ADAM10: variants seen among roughly 807,000 people sequenced by gnomAD.
The protein encoded by ADAM10 is disintegrin and metalloproteinase domain-containing protein 10.
Under a neutral mutation model 90.1 loss-of-function variants are expected in ADAM10, and 17 were observed. That is an observed-to-expected ratio of 0.19 (90% CI 0.13 to 0.28). The LOEUF is 0.28. Ranked by LOEUF, ADAM10 falls within the 10% of genes least tolerant of loss-of-function variation. The probability of loss-of-function intolerance (pLI) is 1.00; values close to 1 mark genes in which losing one functional copy is unlikely to be tolerated. For missense variants in ADAM10, 610 were observed against 914.3 expected (o/e 0.67, Z 4.29); for synonymous variants, 310 against 298.6 (o/e 1.04, Z -0.40).
chr15:58,730,098 A>G (rs376713458), intron 1 of ADAM10, among the ~76,000 whole-genome samples: 19 of 152,212 alleles, frequency 1.2e-4, no homozygotes, highest in African/African-American at 4.6e-4. Context: ...TTAAAGATCC[A>G]AAACACTTTT....
At chr15:58,632,077 G>T (rs1043895855) in intron 9 of ADAM10, among the ~76,000 whole-genome samples, 2 of 152,164 alleles carry the variant, frequency 1.3e-5, no homozygotes, top group African/African-American at 4.8e-5. Context: ...AAAGTAAAAT[G>T]AATTTACATA....
chr15:58,602,446 C>T (rs1344126366), intron 14 of ADAM10, among the ~76,000 whole-genome samples: 1 of 152,096 alleles, frequency 6.6e-6, no homozygotes, highest in African/African-American at 2.4e-5. Flanking sequence ...GTTCCCCATC[C>T]CACACCTTCT....
rs1237527252 is a variant in ADAM10, at chr15:58,592,267, G to A, written c.*5280C>T. The stretch of plus-strand genomic sequence containing the variant: ...GTCTAGATCCATAAATTGTTGGGGG[G>A]GTAAAATGGTGATATCCTAATTCTA... On this transcript the variant is annotated 3_prime_UTR_variant, in exon 16 of 16. Coordinates refer to ENST00000260408, the MANE Select transcript of ADAM10 (RefSeq NM_001110.4). The A allele has an allele frequency of 6.6e-6, 1 of 152,086 alleles. No homozygotes were observed. The highest frequency in any genetic ancestry group is 2.4e-5 in the African/African-American group (1 of 41,410). The allele number at this position is 152,086 out of a possible 1,614,324, so 9.4% of individuals were successfully genotyped here.
At chr15:58,691,729 G>T (rs1236169115) in intron 2 of ADAM10, 3 of 341,880 alleles carry the variant, frequency 8.8e-6, no homozygotes, top group African/African-American at 2.5e-5. Context: ...TGTCGCCCAG[G>T]CTTAGTGCAG....
intron 2 of ADAM10, among the ~76,000 whole-genome samples, chr15:58,704,376 C>T (rs553775430): frequency 2.0e-5 from 3 of 152,104 alleles, no homozygotes; most frequent in East Asian, 3.9e-4. Context: ...GATATGGTGA[C>T]GGTTGCACAA....
chr15:58,732,441 C>G (rs1390493818), intron 1 of ADAM10: 1 of 151,970 alleles, frequency 6.6e-6, no homozygotes, highest in Admixed American at 6.6e-5. Context: ...GGCATGGTGG[C>G]TCATGCCTGT....
At chr15:58,651,762 G>A (rs1335014754) in intron 5 of ADAM10, among the ~76,000 whole-genome samples, 1 of 152,078 alleles carries the variant, frequency 6.6e-6, no homozygotes, top group African/African-American at 2.4e-5. Flanking sequence ...TCGGGTAGAT[G>A]TGCAGCAGTG....
In ADAM10 at chr15:58,588,984, A is replaced by G. The variant is rs1284951970; in HGVS notation, c.*8563T>C. Reference sequence around the variant, plus strand: ...CATATTAGATTTTGAAAGAAAATTTATCTCCAGGTATGACGGAAGGAGGTT... The same window carrying G: ...CATATTAGATTTTGAAAGAAAATTTGTCTCCAGGTATGACGGAAGGAGGTT... On this transcript the variant is annotated 3_prime_UTR_variant, in exon 16 of 16. Coordinates refer to ENST00000260408, the MANE Select transcript of ADAM10 (RefSeq NM_001110.4). 2 of 152,220 alleles carry G rather than the reference A, an allele frequency of 1.3e-5. No individual in the cohort carries two copies. The highest frequency in any genetic ancestry group is 3.8e-4 in the East Asian group (2 of 5,204). The allele number at this position is 152,220 out of a possible 1,614,324, so 9.4% of individuals were successfully genotyped here. A position where few individuals can be genotyped will look rare whatever the true frequency, so the allele number is the denominator to read the frequency against.
At chr15:58,728,316 G>A (rs1899108846) in intron 1 of ADAM10, among the ~76,000 whole-genome samples, 1 of 152,094 alleles carries the variant, frequency 6.6e-6, no homozygotes, top group Admixed American at 6.6e-5. Flanking sequence ...TGATATAAAT[G>A]TTCTATGATT....
intron 1 of ADAM10, among the ~76,000 whole-genome samples, chr15:58,730,008 A>AAAAAAAAAC (rs1567016190): frequency 4.9e-5 from 7 of 141,608 alleles, no homozygotes; most frequent in East Asian, 4.5e-4. Flanking sequence ...ACAAACAAAA[A>AAAAAAAAAC]AAAAAACTCA....
At chr15:58,727,535 T>C (rs566585965) in intron 1 of ADAM10, among the ~76,000 whole-genome samples, 4 of 152,262 alleles carry the variant, frequency 2.6e-5, no homozygotes, top group South Asian at 2.1e-4. Context: ...ACTCGCTATG[T>C]TGTCTAGGCT....
intron 4 of ADAM10, among the ~76,000 whole-genome samples, chr15:58,676,485 T>C (rs1284507157): frequency 6.6e-6 from 1 of 152,168 alleles, no homozygotes; most frequent in Non-Finnish European, 1.5e-5. Context: ...AAAGAACCAA[T>C]TAAAGTAATT....
intron 2 of ADAM10, among the ~76,000 whole-genome samples, chr15:58,694,540 A>C (rs1180294511): frequency 6.6e-6 from 1 of 152,122 alleles, no homozygotes; most frequent in Non-Finnish European, 1.5e-5. Flanking sequence ...CCCCATCTAA[A>C]ACAAACAAAC....
At chr15:58,647,256 T>A (rs1017240941) in intron 5 of ADAM10, among the ~76,000 whole-genome samples, 1 of 92,124 alleles carries the variant, frequency 1.1e-5, no homozygotes, top group East Asian at 2.9e-4. Context: ...GTATTTTTTT[T>A]TTTTTTTTTT....
In ADAM10 at chr15:58,620,859, G is replaced by A. The variant is rs1267946808; in HGVS notation, c.1511+612C>T. 4.6e-5 allele frequency among the ~76,000 whole-genome samples: 4 copies of A among 86,380 alleles called. 1 individual carries two copies. Among genetic ancestry groups the A allele is most frequent in the Non-Finnish European group, 7.5e-5 (4 of 53,210 alleles). The allele number at this position is 86,380 out of a possible 152,430, so 56.7% of individuals were successfully genotyped here. On this transcript the variant is annotated intron_variant, in intron 11 of 15. Transcript: ENST00000260408. ...AATTTTTTGTATTTTTAGTAGAGAC[G>A]GGGTTTCACCTTGTTAGCCAGGATG...
chr15:58,725,950 T>A (rs1180179177), intron 1 of ADAM10, among the ~76,000 whole-genome samples: 1 of 152,118 alleles, frequency 6.6e-6, no homozygotes, highest in Admixed American at 6.5e-5. Context: ...GAAGGAATAA[T>A]ACCAGATGGA....
chr15:58,636,725 A>AC (rs2140680862), intron 8 of ADAM10, among the ~76,000 whole-genome samples: 2 of 151,870 alleles, frequency 1.3e-5, no homozygotes, highest in East Asian at 3.9e-4. Flanking sequence ...ACTCCACCCC[A>AC]CCCCCCAAAA....
At chr15:58,663,748 T>A (rs547166769) in intron 5 of ADAM10, among the ~76,000 whole-genome samples, 1 of 152,254 alleles carries the variant, frequency 6.6e-6, no homozygotes, top group South Asian at 2.1e-4. Context: ...GTTTTGATTT[T>A]CCTTACATAG....
rs1449271449 is a variant in ADAM10 at position 58,590,972 on chromosome 15, T to G, written c.*6575A>C. The stretch of plus-strand genomic sequence containing the variant: ...GATCTATTTCCACCTCCAGGGAACA[T>G]GATCATTTAAACAAGAGAGGGCAGA... On this transcript the variant is annotated 3_prime_UTR_variant, in exon 16 of 16. Transcript: ENST00000260408. 3.3e-5 allele frequency: 5 copies of G among 152,212 alleles called. No individual in the cohort carries two copies. Among genetic ancestry groups the G allele is most frequent in the Non-Finnish European group, 7.3e-5 (5 of 68,030 alleles). The allele number at this position is 152,212 out of a possible 1,614,324, so 9.4% of individuals were successfully genotyped here.
Sources: gnomAD v4.1 joint callset for allele counts (sites outside exome capture counted in the v4.1 genomes callset) on GRCh38, gnomAD v4.1.1 for gene constraint, MANE v1.5 for transcripts, NCBI Gene and HGNC (gene_info 2026-07-23, HGNC 2026-07-21) for gene names.